ZNF462: variants seen among roughly 807,000 people sequenced by gnomAD.
ZNF462 encodes the protein zinc finger PBX1-interacting protein.
ZNF462 carries 10 observed loss-of-function variants against 201.9 expected under a neutral mutation model. The ratio of observed to expected loss-of-function variants is 0.05; its 90% CI spans 0.03 to 0.08. The LOEUF is 0.08. Ranked by LOEUF, ZNF462 falls within the 10% of genes least tolerant of loss-of-function variation. ZNF462 has a pLI of 1.00. For synonymous variants in ZNF462, 1,227 were observed against 1,193.3 expected (o/e 1.03, Z -0.58); for missense variants, 2,523 against 3,168.3 (o/e 0.80, Z 4.89).
chr9:106,965,416 G>A (rs1222980998), intron 7 of ZNF462, among the ~76,000 whole-genome samples: 2 of 151,968 alleles, frequency 1.3e-5, no homozygotes, highest in South Asian at 4.1e-4. Context: ...CACCAGGTAG[G>A]AGACTTCAAG....
chr9:106,885,421 G>A lies in ZNF462; in HGVS notation c.-31+22066G>A, dbSNP rs1828275107. ...GACAGTAATTTTTTAGTAACAGAAA[G>A]CAGCAGTCATGGCCCAAGAACCTGT... On this transcript the variant is annotated intron_variant, in intron 1 of 12. Transcript: ENST00000277225. This position sits in a 1 kb window ranked among gnomAD's most constrained non-coding sequence, Gnocchi z 4.1. 6.6e-6 allele frequency among the ~76,000 whole-genome samples: 1 copy of A among 152,180 alleles called. No individual in the cohort carries two copies. Among genetic ancestry groups the A allele is most frequent in the Admixed American group, 6.5e-5 (1 of 15,282 alleles).
chr9:107,013,053 C>T lies in ZNF462; in HGVS notation c.*2023C>T, dbSNP rs1830012431. On this transcript the variant is annotated 3_prime_UTR_variant, in exon 13 of 13. Coordinates refer to ENST00000277225, the MANE Select transcript of ZNF462 (RefSeq NM_021224.6). ...TTGGCCTCATTTCAAATGTATTAAA[C>T]AGTTCCATACCTGGATTGGGTGTTT... 3 of 134,302 alleles carry T rather than the reference C, an allele frequency of 2.2e-5. No homozygotes were observed. The highest frequency in any genetic ancestry group is 1.4e-4 in the Admixed American group (2 of 14,416). The allele number at this position is 134,302 out of a possible 1,614,324, so 8.3% of individuals were successfully genotyped here.
Position 107,010,750 on chromosome 9 carries a change from T to C in ZNF462, c.7314-73T>C. The C allele has an allele frequency of 7.2e-7, 1 of 1,383,488 alleles. No individual in the cohort carries two copies. The highest frequency in any genetic ancestry group is 1.5e-5 in the South Asian group (1 of 67,586). The allele number at this position is 1,383,488 out of a possible 1,614,324, so 85.7% of individuals were successfully genotyped here. On this transcript the variant is annotated intron_variant, in intron 12 of 12. Coordinates refer to ENST00000277225, the MANE Select transcript of ZNF462 (RefSeq NM_021224.6). The surrounding 1 kb of genome is among the most constrained non-coding windows in gnomAD (Gnocchi z 4.6). Reference sequence around the variant, plus strand: ...GGAAAATAAAGACACTCGAGGGTTTTTATTATTTTTTTGTTTAAAAAGAGA... The same window carrying C: ...GGAAAATAAAGACACTCGAGGGTTTCTATTATTTTTTTGTTTAAAAAGAGA...
intron 7 of ZNF462, among the ~76,000 whole-genome samples, chr9:106,961,534 T>C (rs1280420679): frequency 6.6e-6 from 1 of 150,426 alleles, no homozygotes; most frequent in Non-Finnish European, 1.5e-5. Context: ...CAGTTTGTAC[T>C]CTTTTTTTTT....
At chr9:106,921,210 G>A (rs1387746456) in intron 1 of ZNF462, among the ~76,000 whole-genome samples, 1 of 152,168 alleles carries the variant, frequency 6.6e-6, no homozygotes, top group Non-Finnish European at 1.5e-5. Flanking sequence ...TGTAGAACAG[G>A]ATCTGGCCCA....
At chr9:106,971,932 G>C (rs1826638966) in intron 7 of ZNF462, 73 bp from the exon 8 acceptor site, 3 of 1,527,574 alleles carry the variant, frequency 2.0e-6, no homozygotes, top group African/African-American at 2.8e-5. Flanking sequence ...GAAACCTGAT[G>C]TCAGGGGTTT....
chr9:106,863,101 A>AG (rs1554690959), upstream of ZNF462: 18 of 379,266 alleles, frequency 4.7e-5, no homozygotes, highest in South Asian at 2.2e-3. Flanking sequence ...TGAGAGGGAG[A>AG]GGGAGGGAGG....
At chr9:106,921,256 TAACA>T (rs1829979711) in intron 1 of ZNF462, among the ~76,000 whole-genome samples, 1 of 152,196 alleles carries the variant, frequency 6.6e-6, no homozygotes, top group Non-Finnish European at 1.5e-5. Flanking sequence ...CTGCTGGGAC[TAACA>T]AACCAGCATA....
At chr9:106,892,324 A>T (rs924894681) in intron 1 of ZNF462, among the ~76,000 whole-genome samples, 3 of 152,198 alleles carry the variant, frequency 2.0e-5, no homozygotes, top group African/African-American at 7.2e-5. Context: ...GTAGCTATAT[A>T]CGTAAGCATA....
chr9:106,987,844 G>A (rs193070292), intron 10 of ZNF462, among the ~76,000 whole-genome samples: 34 of 152,280 alleles, frequency 2.2e-4, no homozygotes, highest in Non-Finnish European at 3.4e-4. Context: ...TTTGTATAAA[G>A]TGAGAGATGA....
At position 106,928,205 on chromosome 9, in the gene ZNF462, C is replaced by G. The variant is rs749436956; in HGVS notation, c.4293C>G (p.Asn1431Lys). 2 of 1,614,070 alleles carry G rather than the reference C, an allele frequency of 1.2e-6. No homozygotes were observed. Among genetic ancestry groups the G allele is most frequent in the South Asian group, 2.2e-5 (2 of 91,070 alleles). The change falls in exon 3 of 13, where the codon AAC (asparagine) becomes AAG (lysine). Residue 1431 changes from asparagine to lysine, a missense_variant. Asn to Lys is a moderately conservative substitution (Grantham distance 94). Coordinates refer to ENST00000277225, the MANE Select transcript of ZNF462 (RefSeq NM_021224.6). The surrounding 1 kb of genome is among the most constrained non-coding windows in gnomAD (Gnocchi z 9.3). ...TGGCAGGCCCTGTGAATTGTGAAAA[C>G]AGTATACCCACCCCTTTCCCGGAGC... Reference protein sequence around the residue: ...EELAGPVNCENSIPTPFPEQE... With the variant: ...EELAGPVNCEKSIPTPFPEQE...
At chr9:107,001,499 G>GTGGT (rs909817475) in intron 10 of ZNF462, among the ~76,000 whole-genome samples, 11 of 152,122 alleles carry the variant, frequency 7.2e-5, no homozygotes, top group Non-Finnish European at 1.5e-4. Context: ...CCAGAATCTA[G>GTGGT]TGGTTAATGG....
chr9:106,864,484 C>G (rs1415339625), intron 1 of ZNF462, among the ~76,000 whole-genome samples: 1 of 152,090 alleles, frequency 6.6e-6, no homozygotes. Context: ...CTTTCCCTTT[C>G]TTTATCTCCC....
Position 106,902,083 on chromosome 9 carries a change from G to C in ZNF462, c.-30-21271G>C, listed in dbSNP as rs993018870. Among the ~76,000 whole-genome samples the C allele has an allele frequency of 2.4e-4, 36 of 152,078 alleles. No homozygotes were observed. The highest frequency in any genetic ancestry group is 8.7e-4 in the African/African-American group (36 of 41,500). On this transcript the variant is annotated intron_variant, in intron 1 of 12. Transcript: ENST00000277225. The surrounding 1 kb of genome is among the most constrained non-coding windows in gnomAD (Gnocchi z 4.2). Reference sequence around the variant, plus strand: ...TCATAGATGGCTTTTATTACATTAAGGTATGTCTCTCGTATGCTGATTTTG... The same window carrying C: ...TCATAGATGGCTTTTATTACATTAACGTATGTCTCTCGTATGCTGATTTTG...
At chr9:106,992,018 A>C (rs1419153364) in intron 10 of ZNF462, among the ~76,000 whole-genome samples, 1 of 151,938 alleles carries the variant, frequency 6.6e-6, no homozygotes, top group Non-Finnish European at 1.5e-5. Context: ...GACAACTAAA[A>C]GAAAAAAGAA....
In ZNF462 at chr9:106,970,556, G is replaced by A. The variant is rs1005622633; in HGVS notation, c.6428-1449G>A. Among the ~76,000 whole-genome samples the A allele has an allele frequency of 6.6e-6, 1 of 152,180 alleles. No individual in the cohort carries two copies. Among genetic ancestry groups the A allele is most frequent in the Non-Finnish European group, 1.5e-5 (1 of 68,030 alleles). On this transcript the variant is annotated intron_variant, in intron 7 of 12. Coordinates refer to ENST00000277225, the MANE Select transcript of ZNF462 (RefSeq NM_021224.6). The surrounding 1 kb of genome is among the most constrained non-coding windows in gnomAD (Gnocchi z 4.2). ...AATTAAGTGTCCATCAAATCAGGAG[G>A]AGGCTTGTACAGTTTCTATCCCCTT...
intron 7 of ZNF462, among the ~76,000 whole-genome samples, chr9:106,945,326 G>T (rs770478922): frequency 9.2e-5 from 14 of 152,186 alleles, no homozygotes; most frequent in Non-Finnish European, 1.5e-4. Context: ...CTGCAGCAAT[G>T]CTTGACAACT....
At chr9:106,897,189 A>G (rs1828848918) in intron 1 of ZNF462, among the ~76,000 whole-genome samples, 1 of 152,242 alleles carries the variant, frequency 6.6e-6, no homozygotes, top group Non-Finnish European at 1.5e-5. Flanking sequence ...AGTTTAGGGT[A>G]TATGGCTTCT....
chr9:106,863,336 G>T lies in ZNF462; in HGVS notation c.-50G>T, dbSNP rs540105999. On this transcript the variant is annotated 5_prime_UTR_variant, in exon 1 of 13. Transcript: ENST00000277225. ...GGCTGGAGAACCCGAAGCACCTCCCGGCGCCGGGACGCTTCTTCTGTAAGT... is the reference window on the plus strand; with the variant it reads ...GGCTGGAGAACCCGAAGCACCTCCCTGCGCCGGGACGCTTCTTCTGTAAGT... 28 of 397,358 alleles carry T rather than the reference G, an allele frequency of 7.0e-5. No homozygotes were observed. Among genetic ancestry groups the T allele is most frequent in the African/African-American group, 5.3e-4 (26 of 48,670 alleles). 24.6% of individuals were successfully genotyped at this position (397,358 alleles called of 1,614,324 possible).
Sources: allele counts gnomAD v4.1 joint callset (sites outside exome capture counted in the v4.1 genomes callset), GRCh38; gene constraint gnomAD v4.1.1; non-coding constraint Gnocchi (gnomAD v3.1); transcripts MANE v1.5; gene names NCBI Gene and HGNC (gene_info 2026-07-23, HGNC 2026-07-21).